The following PRDM10 variants were observed in gnomAD, a reference collection of about 807,000 sequenced individuals.
The protein encoded by PRDM10 is PR/SET domain 10.
Under a neutral mutation model 133.1 loss-of-function variants are expected in PRDM10, and 65 were observed. That is an observed-to-expected ratio of 0.49 (90% CI 0.40 to 0.60). The LOEUF (loss-of-function observed/expected upper bound fraction) is 0.60. Among genes scored for constraint, PRDM10 ranks in the 20% least tolerant of loss-of-function variants. The probability of loss-of-function intolerance (pLI) is 0.00; values close to 1 mark genes in which losing one functional copy is unlikely to be tolerated. For synonymous variants in PRDM10, 582 were observed against 580.4 expected, an observed-to-expected ratio of 1.00 and a Z score of -0.04; for missense variants, 1,137 against 1,507.1, an observed-to-expected ratio of 0.75 and a Z score of 4.07.
intron 1 of PRDM10, among the ~76,000 whole-genome samples, chr11:129,980,741 T>C (rs11819877): frequency 0.067 from 10,203 of 151,904 alleles, 560 homozygotes; most frequent in Admixed American, 0.18. Context: ...AAAGACCACA[T>C]ATTTTATTTT....
At chr11:129,955,630 GA>G in intron 3 of PRDM10, 59 bp from the exon 4 acceptor site, 1 of 1,541,502 alleles carries the variant, frequency 6.5e-7, no homozygotes, top group East Asian at 2.3e-5. Context: ...TGCCTACACA[GA>G]AAAATTATCC....
chr11:129,961,976 C>G (rs1951805211), intron 1 of PRDM10, among the ~76,000 whole-genome samples: 2 of 152,126 alleles, frequency 1.3e-5, no homozygotes, highest in South Asian at 4.1e-4. Context: ...CCCATACCAC[C>G]TTTACTCAAA....
intron 3 of PRDM10, among the ~76,000 whole-genome samples, chr11:129,956,745 T>C (rs1472986681): frequency 6.6e-6 from 1 of 152,244 alleles, no homozygotes; most frequent in East Asian, 1.9e-4. Flanking sequence ...TATGTAGATT[T>C]GAAAGGCACT....
At chr11:129,905,102 G>A (rs1389561911) in intron 20 of PRDM10, among the ~76,000 whole-genome samples, 3 of 152,086 alleles carry the variant, frequency 2.0e-5, no homozygotes, top group African/African-American at 7.2e-5. Flanking sequence ...GGTGGCTCAC[G>A]CCTATAATCC....
chr11:129,965,934 G>A (rs982372147), intron 1 of PRDM10, among the ~76,000 whole-genome samples: 6 of 151,956 alleles, frequency 3.9e-5, no homozygotes, highest in Admixed American at 1.3e-4. Context: ...CTGATCCTCA[G>A]TATCCTCACT....
chr11:129,909,822 TTCTA>T (rs893818362), intron 19 of PRDM10, among the ~76,000 whole-genome samples: 1 of 152,216 alleles, frequency 6.6e-6, no homozygotes, highest in African/African-American at 2.4e-5. Context: ...TCAACGACTC[TTCTA>T]TCTCCCTCCT....
intron 20 of PRDM10, among the ~76,000 whole-genome samples, chr11:129,905,383 AG>A (rs1328649746): frequency 6.6e-6 from 1 of 151,102 alleles, no homozygotes; most frequent in Non-Finnish European, 1.5e-5. Context: ...AAAAAAAAAA[AG>A]GCTCATAGGG....
intron 11 of PRDM10, 128 bp downstream of exon 11, chr11:129,930,888 C>G: frequency 1.5e-6 from 2 of 1,338,056 alleles, no homozygotes; most frequent in Non-Finnish European, 1.0e-6. Context: ...ATAAGGGGAT[C>G]GAGCATGTGA....
chr11:129,968,306 G>A (rs555746215), intron 1 of PRDM10, among the ~76,000 whole-genome samples: 3 of 152,176 alleles, frequency 2.0e-5, no homozygotes, highest in East Asian at 1.9e-4. Context: ...AAACTTTTCC[G>A]GCTCATTATG....
chr11:129,982,264 ATG>A (rs1410212556), intron 1 of PRDM10, among the ~76,000 whole-genome samples: 1 of 150,000 alleles, frequency 6.7e-6, no homozygotes, highest in African/African-American at 2.4e-5. Flanking sequence ...TCTCAAAAAA[ATG>A]TGTGTGTCTG....
chr11:129,902,719 A>C (rs1949881104), intron 20 of PRDM10, among the ~76,000 whole-genome samples: 1 of 152,230 alleles, frequency 6.6e-6, no homozygotes. Context: ...GGAGCACCTT[A>C]GCAGTTTCAC....
At chr11:129,957,698 G>C (rs1565495178) in intron 3 of PRDM10, 48 bp downstream of exon 3, 2 of 1,562,310 alleles carry the variant, frequency 1.3e-6, no homozygotes, top group African/African-American at 2.7e-5. Flanking sequence ...ACAAGTAATT[G>C]GTTAATTAGT....
At chr11:129,952,535 C>A (rs1370210901) in intron 4 of PRDM10, among the ~76,000 whole-genome samples, 1 of 151,934 alleles carries the variant, frequency 6.6e-6, no homozygotes, top group Non-Finnish European at 1.5e-5. Flanking sequence ...CAATCAACAT[C>A]TTTTCTTTTA....
In PRDM10 at chr11:129,947,645, C is replaced by T. The variant is rs1190187902; in HGVS notation, c.295-275G>A. 1.8e-6 allele frequency: 2 copies of T among 1,087,924 alleles called. No homozygotes were observed. The highest frequency in any genetic ancestry group is 3.1e-5 in the Admixed American group (1 of 32,528). The allele number at this position is 1,087,924 out of a possible 1,614,324, so 67.4% of individuals were successfully genotyped here. A position where few individuals can be genotyped will look rare whatever the true frequency, so the allele number is the denominator to read the frequency against. ...GCTGCTAAGAAGGCTCAGGTGCTCC[C>T]TCCTTTGGCAGCAGTGGGAGAGTCA... On this transcript the variant is annotated intron_variant, in intron 4 of 20. Coordinates refer to ENST00000360871, the MANE Select transcript of PRDM10 (RefSeq NM_199437.2). The surrounding 1 kb of genome is among the most constrained non-coding windows in gnomAD (Gnocchi z 4.6).
At chr11:130,001,037 G>A (rs1168258859) in intron 1 of PRDM10, among the ~76,000 whole-genome samples, 3 of 152,156 alleles carry the variant, frequency 2.0e-5, no homozygotes, top group African/African-American at 7.2e-5. Context: ...AGCCCGGGAG[G>A]TCGAGTCGGC....
intron 1 of PRDM10, among the ~76,000 whole-genome samples, chr11:130,001,275 T>C (rs1412863256): frequency 6.6e-6 from 1 of 152,112 alleles, no homozygotes; most frequent in East Asian, 1.9e-4. Context: ...GATGCTGGAA[T>C]GGTAGGAAGA....
intron 1 of PRDM10, among the ~76,000 whole-genome samples, chr11:129,972,142 C>G (rs958150869): frequency 1.6e-4 from 25 of 152,256 alleles, no homozygotes; most frequent in Admixed American, 6.5e-5. Flanking sequence ...CCCACGCCCA[C>G]CCAGAACTCC....
chr11:129,984,416 G>A (rs900715070), intron 1 of PRDM10, among the ~76,000 whole-genome samples: 2 of 152,156 alleles, frequency 1.3e-5, no homozygotes, highest in African/African-American at 4.8e-5. Flanking sequence ...CCATCTGTCT[G>A]CTCTTCCCCA....
intron 2 of PRDM10, among the ~76,000 whole-genome samples, chr11:129,959,999 G>A (rs1435823873): frequency 1.3e-5 from 2 of 149,590 alleles, no homozygotes; most frequent in Admixed American, 6.7e-5. Context: ...GGACTGAATC[G>A]AGCCTCCTGC....
Sources: allele counts gnomAD v4.1 joint callset (sites outside exome capture counted in the v4.1 genomes callset), GRCh38; gene constraint gnomAD v4.1.1; non-coding constraint Gnocchi (gnomAD v3.1); transcripts MANE v1.5; gene names NCBI Gene and HGNC (gene_info 2026-07-23, HGNC 2026-07-21).